The following ARAP2 variants were observed in gnomAD, a reference collection of about 807,000 sequenced individuals.
The protein encoded by ARAP2 is arf-GAP with Rho-GAP domain, ANK repeat and PH domain-containing protein 2.
ARAP2 carries 148 observed loss-of-function variants against 194.5 expected under a neutral mutation model. The observed-to-expected ratio is 0.76, with a 90% CI of 0.67 to 0.87. The LOEUF (loss-of-function observed/expected upper bound fraction) is 0.87, where lower values mean the gene tolerates loss of function less well. Ranked by LOEUF, ARAP2 falls within the 40% of genes least tolerant of loss-of-function variation. ARAP2 has a pLI of 0.00. For missense variants in ARAP2, 2,128 were observed against 1,989.7 expected (o/e 1.07, Z -1.32); for synonymous variants, 695 against 683.5 (o/e 1.02, Z -0.26).
At chr4:36,011,906 G>A (rs1219178322) in intron 9 of ARAP2, among the ~76,000 whole-genome samples, 1 of 151,798 alleles carries the variant, frequency 6.6e-6, no homozygotes, top group Non-Finnish European at 1.5e-5. Context: ...AGTTAATGGG[G>A]GTGAAAATAC....
chr4:36,182,853 G>A (rs1245007698), intron 8 of ARAP2, among the ~76,000 whole-genome samples: 2 of 152,178 alleles, frequency 1.3e-5, no homozygotes, highest in Non-Finnish European at 2.9e-5. Context: ...GGTGGAAATG[G>A]GAATTTTGAT....
At chr4:36,113,098 A>C (rs1227578067) in intron 26 of ARAP2, among the ~76,000 whole-genome samples, 1 of 152,040 alleles carries the variant, frequency 6.6e-6, no homozygotes, top group East Asian at 2.0e-4. Context: ...AAGATCATCA[A>C]ATAAAAAGGG....
chr4:36,079,543 C>A (rs60544318), intron 31 of ARAP2, among the ~76,000 whole-genome samples: 1 of 152,078 alleles, frequency 6.6e-6, no homozygotes, highest in Non-Finnish European at 1.5e-5. Context: ...GGTTGGGAAA[C>A]AAACCAGTCC....
chr4:36,082,358 G>A, intron 29 of ARAP2, 72 bp from the exon 30 acceptor site: 3 of 1,440,070 alleles, frequency 2.1e-6, no homozygotes, highest in South Asian at 1.3e-5. Context: ...AACAGGATTA[G>A]ATGTTAAGGA....
intron 5 of ARAP2, among the ~76,000 whole-genome samples, chr4:36,043,862 G>A (rs1198489441): frequency 0.014 from 602 of 42,472 alleles, no homozygotes; most frequent in Non-Finnish European, 0.019. Flanking sequence ...GGAGGGGGGA[G>A]GGGAAGGGAA....
chr4:36,129,935 CCCA>C (rs1014224803), intron 20 of ARAP2, among the ~76,000 whole-genome samples: 2 of 151,870 alleles, frequency 1.3e-5, no homozygotes, highest in Non-Finnish European at 2.9e-5. Flanking sequence ...ACCTTCCACC[CCCA>C]CCATGTTCTT....
At chr4:36,144,436 T>C (rs1185410523) in intron 19 of ARAP2, among the ~76,000 whole-genome samples, 1 of 151,944 alleles carries the variant, frequency 6.6e-6, no homozygotes, top group African/African-American at 2.4e-5. Flanking sequence ...TCATTATTTC[T>C]GGACATAAAA....
rs896701703 is a variant in ARAP2, at chr4:36,147,775, A to C, written c.3001-29T>G. On this transcript the variant is annotated intron_variant, in intron 17 of 32. Coordinates refer to ENST00000303965, the MANE Select transcript of ARAP2 (RefSeq NM_015230.4). ...TTAAAACAAATACAAAAAAGTAATA[A>C]AGACAGTGAAAATAGGAAATCCCTT... 3.2e-6 allele frequency: 5 copies of C among 1,538,814 alleles called. No homozygotes were observed. The Middle Eastern group carries it at 5.2e-4, about 161-fold the overall frequency.
intron 10 of ARAP2, chr4:36,006,005 A>C (rs1025739625): frequency 2.0e-5 from 3 of 152,176 alleles, no homozygotes; most frequent in African/African-American, 7.2e-5. Context: ...CTCTTTGATA[A>C]TCTTTCAAGA....
chr4:36,177,937 G>C lies in ARAP2; in HGVS notation c.1747C>G (p.Gln583Glu). The change falls in exon 9 of 33, where the codon CAA (glutamine) becomes GAA (glutamate). Residue 583 changes from glutamine to glutamate, a missense_variant. Coordinates refer to ENST00000303965, the MANE Select transcript of ARAP2 (RefSeq NM_015230.4). ...LKSQSLTSQSQAVVTPEKCGY... is the reference protein window; with the variant it reads ...LKSQSLTSQSEAVVTPEKCGY... ...CATTTCTCAGGTGTAACAACAGCTT[G>C]AGACTGCGAGGTAAGGGATTGTGAT... 6.2e-7 allele frequency: 1 copy of C among 1,613,602 alleles called. No homozygotes were observed. The highest frequency in any genetic ancestry group is 8.5e-7 in the Non-Finnish European group (1 of 1,179,714).
At chr4:36,102,351 A>T (rs1717181155) in intron 27 of ARAP2, among the ~76,000 whole-genome samples, 1 of 152,154 alleles carries the variant, frequency 6.6e-6, no homozygotes, top group East Asian at 1.9e-4. Flanking sequence ...CATGGTAATG[A>T]TCTGATGATA....
At position 36,229,596 on chromosome 4, in the gene ARAP2, G is replaced by T; in HGVS notation, c.-110C>A. 1 of 848,760 alleles carries T rather than the reference G, an allele frequency of 1.2e-6. No homozygotes were observed. The highest frequency in any genetic ancestry group is 1.8e-6 in the Non-Finnish European group (1 of 568,022). The allele number at this position is 848,760 out of a possible 1,614,324, so 52.6% of individuals were successfully genotyped here. ...TTCCTCTATCAATTGTGACAGAAAA[G>T]TTTCTTAAAATGTTATTTTCTTCAC... On this transcript the variant is annotated 5_prime_UTR_variant, in exon 2 of 33. Transcript: ENST00000303965.
At chr4:36,120,315 A>G (rs1376896740) in intron 23 of ARAP2, among the ~76,000 whole-genome samples, 2 of 151,600 alleles carry the variant, frequency 1.3e-5, no homozygotes, top group East Asian at 1.9e-4. Flanking sequence ...GTCTATTCCT[A>G]TGTAAATTAA....
chr4:36,086,994 A>C (rs538172940), intron 28 of ARAP2, among the ~76,000 whole-genome samples: 1 of 152,214 alleles, frequency 6.6e-6, no homozygotes, highest in East Asian at 1.9e-4. Flanking sequence ...TAATTAACAC[A>C]AAGTCGCTTT....
At chr4:36,187,993 A>C (rs1740954062) in intron 7 of ARAP2, among the ~76,000 whole-genome samples, 1 of 152,190 alleles carries the variant, frequency 6.6e-6, no homozygotes, top group Admixed American at 6.5e-5. Context: ...TAGGAACCAA[A>C]ATATACCTTA....
At chr4:36,054,076 A>G (rs1411529786) in intron 2 of ARAP2, among the ~76,000 whole-genome samples, 2 of 152,188 alleles carry the variant, frequency 1.3e-5, no homozygotes, top group Non-Finnish European at 2.9e-5. Context: ...CTATTCTGCA[A>G]ATTAGGCATG....
intron 2 of ARAP2, among the ~76,000 whole-genome samples, chr4:36,220,774 G>T (rs1748971879): frequency 6.6e-6 from 1 of 151,970 alleles, no homozygotes; most frequent in Non-Finnish European, 1.5e-5. Flanking sequence ...AGGATATAAA[G>T]AATATTTTTG....
Position 36,167,058 on chromosome 4 carries a change from G to T in ARAP2, c.1858-11C>A. The T allele has an allele frequency of 1.4e-6, 2 of 1,411,722 alleles. No individual in the cohort carries two copies. Among genetic ancestry groups the T allele is most frequent in the Non-Finnish European group, 1.9e-6 (2 of 1,036,084 alleles). The allele number at this position is 1,411,722 out of a possible 1,614,324, so 87.4% of individuals were successfully genotyped here. On this transcript the variant is annotated splice_polypyrimidine_tract_variant and intron_variant, in intron 9 of 32. Coordinates refer to ENST00000303965, the MANE Select transcript of ARAP2 (RefSeq NM_015230.4). ...TCCACTCTTAAAATCCTAGTTTGGA[G>T]AAAAACATAAAAAACTATAAAGAAA... is the stretch of plus-strand genomic sequence containing the variant.
intron 5 of ARAP2, among the ~76,000 whole-genome samples, chr4:36,032,677 T>A (rs1357727530): frequency 2.6e-5 from 4 of 152,214 alleles, no homozygotes; most frequent in Non-Finnish European, 4.4e-5. Context: ...ATTTTATTTT[T>A]TAACTTTTAT....
Sources: gnomAD v4.1 joint callset for allele counts (sites outside exome capture counted in the v4.1 genomes callset) on GRCh38, gnomAD v4.1.1 for gene constraint, MANE v1.5 for transcripts, NCBI Gene and HGNC (gene_info 2026-07-23, HGNC 2026-07-21) for gene names.